RBFOX1: variants seen among roughly 807,000 people sequenced by gnomAD.
RBFOX1 encodes the protein RNA binding protein fox-1 homolog 1.
RBFOX1 carries 8 observed loss-of-function variants against 57.7 expected under a neutral mutation model. That is an observed-to-expected ratio of 0.14 (90% CI 0.08 to 0.25). The LOEUF (loss-of-function observed/expected upper bound fraction) is 0.25, where lower values mean the gene tolerates loss of function less well. Ranked by LOEUF, RBFOX1 falls within the 10% of genes least tolerant of loss-of-function variation. The pLI is 1.00. For missense variants in RBFOX1, 611 were observed against 548.5 expected (o/e 1.11, Z -1.14); for synonymous variants, 326 against 222.4 (o/e 1.47, Z -4.15).
chr16:6,259,958 CAAA>C (rs57516778), intron 1 of RBFOX1, among the ~76,000 whole-genome samples: 6 of 70,044 alleles, frequency 8.6e-5, no homozygotes, highest in Admixed American at 3.3e-4. Flanking sequence ...GAGACTGTCT[CAAA>C]AAAAAAAAAA....
rs1036267781 is a variant in RBFOX1, at chr16:7,508,650, C to T, written c.28-9497C>T. Reference sequence around the variant, plus strand: ...AAGGACGGGCACAAATACTATGTATCCAGATTTTCTTTCCAACCTTGTAGA... The same window carrying T: ...AAGGACGGGCACAAATACTATGTATTCAGATTTTCTTTCCAACCTTGTAGA... On this transcript the variant is annotated intron_variant, in intron 4 of 15. Transcript: ENST00000550418. Among the ~76,000 whole-genome samples the T allele has an allele frequency of 2.6e-5, 4 of 152,144 alleles. No homozygotes were observed. In the South Asian group the frequency reaches 8.3e-4, roughly 32 times the overall value.
At chr16:6,181,854 G>A (rs993908412) in intron 1 of RBFOX1, among the ~76,000 whole-genome samples, 7 of 152,060 alleles carry the variant, frequency 4.6e-5, no homozygotes, top group Admixed American at 6.6e-5. Flanking sequence ...TGTGAATTGG[G>A]TCTCTCTCTG....
At chr16:6,763,622 C>G (rs1459744708) in intron 3 of RBFOX1, among the ~76,000 whole-genome samples, 2 of 152,180 alleles carry the variant, frequency 1.3e-5, no homozygotes, top group East Asian at 1.9e-4. Context: ...TCCAGTGTCT[C>G]ACCAATTACG....
At chr16:5,925,419 C>G (rs978843505) in intron 4 of RBFOX1, among the ~76,000 whole-genome samples, 4 of 152,148 alleles carry the variant, frequency 2.6e-5, no homozygotes, top group African/African-American at 9.7e-5. Context: ...AACACTTACT[C>G]CATGATTGCA....
chr16:6,365,440 A>T (rs1048142147), intron 2 of RBFOX1, among the ~76,000 whole-genome samples: 1 of 138,784 alleles, frequency 7.2e-6, no homozygotes, highest in Non-Finnish European at 1.5e-5. Context: ...AGATGAGTGA[A>T]TGGATGGGTG....
intron 3 of RBFOX1, among the ~76,000 whole-genome samples, chr16:6,668,326 T>C (rs557051454): frequency 3.9e-5 from 6 of 152,048 alleles, no homozygotes; most frequent in African/African-American, 1.4e-4. Context: ...GGTGGAGGAG[T>C]GAGAGCCACA....
chr16:7,295,027 C>A (rs536059251), intron 4 of RBFOX1, among the ~76,000 whole-genome samples: 9 of 152,174 alleles, frequency 5.9e-5, no homozygotes, highest in African/African-American at 2.2e-4. Context: ...AATTAATTAC[C>A]ATCTGGCCAG....
intron 4 of RBFOX1, among the ~76,000 whole-genome samples, chr16:7,476,147 G>A (rs1216439608): frequency 6.6e-6 from 1 of 151,826 alleles, no homozygotes; most frequent in East Asian, 1.9e-4. Context: ...TGTAGTTTTT[G>A]TAGATACTAG....
At chr16:6,212,323 A>T (rs2097303853) in intron 1 of RBFOX1, among the ~76,000 whole-genome samples, 1 of 152,220 alleles carries the variant, frequency 6.6e-6, no homozygotes, top group African/African-American at 2.4e-5. Context: ...GTAACATACT[A>T]TATATTTTTA....
intron 4 of RBFOX1, among the ~76,000 whole-genome samples, chr16:7,068,246 C>G (rs2056574390): frequency 6.6e-6 from 1 of 152,148 alleles, no homozygotes. Context: ...ATTGTCGGTC[C>G]AAAATCATGC....
chr16:6,980,452 C>G (rs746775487), intron 3 of RBFOX1, among the ~76,000 whole-genome samples: 25 of 152,234 alleles, frequency 1.6e-4, no homozygotes, highest in Middle Eastern at 3.4e-3. Flanking sequence ...AAGCAAAAAA[C>G]TTGTCTTCTT....
intron 3 of RBFOX1, among the ~76,000 whole-genome samples, chr16:5,827,495 C>G (rs1200179880): frequency 6.6e-6 from 1 of 151,978 alleles, no homozygotes; most frequent in South Asian, 2.1e-4. Flanking sequence ...TCTATGCACC[C>G]CGAGAACTCC....
chr16:6,407,918 C>G (rs1366155699), intron 2 of RBFOX1, among the ~76,000 whole-genome samples: 1 of 152,116 alleles, frequency 6.6e-6, no homozygotes, highest in East Asian at 1.9e-4. Flanking sequence ...ATGTTGAAGC[C>G]TGATTCTCAG....
At chr16:5,264,684 G>A (rs1417393039) in intron 1 of RBFOX1, among the ~76,000 whole-genome samples, 1 of 152,148 alleles carries the variant, frequency 6.6e-6, no homozygotes, top group African/African-American at 2.4e-5. Flanking sequence ...TGATGGGGGA[G>A]GGGATGTGGC....
At chr16:7,275,698 T>G (rs2095427559) in intron 4 of RBFOX1, among the ~76,000 whole-genome samples, 1 of 152,222 alleles carries the variant, frequency 6.6e-6, no homozygotes, top group Non-Finnish European at 1.5e-5. Context: ...CCCAGGATTA[T>G]AGGTATGAGA....
chr16:5,794,795 C>G (rs927456742), intron 3 of RBFOX1, among the ~76,000 whole-genome samples: 3 of 152,102 alleles, frequency 2.0e-5, no homozygotes, highest in African/African-American at 7.2e-5. Context: ...ACTGCTAAAC[C>G]AATATTAAAT....
chr16:6,608,939 C>T (rs1206851642), intron 2 of RBFOX1, among the ~76,000 whole-genome samples: 1 of 152,108 alleles, frequency 6.6e-6, no homozygotes, highest in Non-Finnish European at 1.5e-5. Context: ...CCACTCTGCT[C>T]CCTTGGGTCA....
intron 10 of RBFOX1, among the ~76,000 whole-genome samples, chr16:7,628,238 T>G (rs1469108542): frequency 6.6e-6 from 1 of 152,176 alleles, no homozygotes; most frequent in Non-Finnish European, 1.5e-5. Context: ...AAACCAGGCG[T>G]GCACAGGAGA....
chr16:5,767,070 G>A (rs2053807202), intron 3 of RBFOX1, among the ~76,000 whole-genome samples: 7 of 152,230 alleles, frequency 4.6e-5, no homozygotes, highest in Admixed American at 4.6e-4. Context: ...TATAAGGTTA[G>A]TCCCACCCTT....
Sources: allele counts gnomAD v4.1 joint callset (sites outside exome capture counted in the v4.1 genomes callset), GRCh38; gene constraint gnomAD v4.1.1; transcripts MANE v1.5; gene names NCBI Gene and HGNC (gene_info 2026-07-23, HGNC 2026-07-21).